Variants in RABGAP1L observed in about 807,000 individuals in gnomAD.
RABGAP1L encodes the protein RAB GTPase activating protein 1 like.
A neutral mutation model predicts 137.7 loss-of-function variants in RABGAP1L; 63 were observed. That is an observed-to-expected ratio of 0.46 (90% CI 0.37 to 0.56). RABGAP1L has a LOEUF of 0.56. Among genes scored for constraint, RABGAP1L ranks in the 20% least tolerant of loss-of-function variants. The pLI, the probability that RABGAP1L is intolerant of heterozygous loss-of-function variation, is 0.00. For missense variants in RABGAP1L, 1,095 were observed against 1,244.0 expected (o/e 0.88, Z 1.80); for synonymous variants, 431 against 433.7 (o/e 0.99, Z 0.08).
rs771902561 is a variant in RABGAP1L, at chr1:174,448,655, A to G, written c.1710+54510A>G. 6.2e-7 allele frequency: 1 copy of G among 1,613,662 alleles called. No homozygotes were observed. The highest frequency in any genetic ancestry group is 8.5e-7 in the Non-Finnish European group (1 of 1,179,710). ...CTTGCCTTCCTTTTTTGGCTGGGGG[A>G]AACCTGGTTACCATGGTGACATTTT... On this transcript the variant is annotated intron_variant, in intron 13 of 25. Coordinates refer to ENST00000681986, the MANE Select transcript of RABGAP1L (RefSeq NM_001366446.1). This position sits in a 1 kb window ranked among gnomAD's most constrained non-coding sequence, Gnocchi z 4.2.
At chr1:174,665,986 TG>T (rs1225745484) in intron 14 of RABGAP1L, among the ~76,000 whole-genome samples, 1 of 152,252 alleles carries the variant, frequency 6.6e-6, no homozygotes, top group Non-Finnish European at 1.5e-5. Context: ...TTTCTTTAAA[TG>T]TTTCTGTAAT....
At chr1:174,329,509 AC>A (rs1374780919) in intron 11 of RABGAP1L, among the ~76,000 whole-genome samples, 1 of 152,178 alleles carries the variant, frequency 6.6e-6, no homozygotes, top group East Asian at 1.9e-4. Context: ...TGATTTGAAA[AC>A]CAATCAAAGA....
chr1:174,918,144 T>A (rs536155454), intron 19 of RABGAP1L, among the ~76,000 whole-genome samples: 1 of 152,040 alleles, frequency 6.6e-6, no homozygotes, highest in Non-Finnish European at 1.5e-5. Context: ...GTAATTATGT[T>A]TTGGAAAAAT....
chr1:174,811,715 A>T, intron 18 of RABGAP1L, 117 bp from the exon 19 acceptor site: 1 of 1,035,134 alleles, frequency 9.7e-7, no homozygotes, highest in Non-Finnish European at 1.3e-6. Flanking sequence ...AATGTTTGGA[A>T]CTAACTTAGA....
intron 7 of RABGAP1L, among the ~76,000 whole-genome samples, chr1:174,253,971 T>C (rs1672913095): frequency 6.6e-6 from 1 of 152,164 alleles, no homozygotes; most frequent in East Asian, 1.9e-4. Context: ...AGATTCCCTC[T>C]GTCTTCCCTC....
intron 1 of RABGAP1L, among the ~76,000 whole-genome samples, chr1:174,197,317 G>A (rs922940589): frequency 6.6e-6 from 1 of 152,148 alleles, no homozygotes; most frequent in African/African-American, 2.4e-5. Context: ...AAATAGTTAG[G>A]TTTTAATGGC....
intron 14 of RABGAP1L, among the ~76,000 whole-genome samples, chr1:174,644,287 T>C (rs1674774285): frequency 6.6e-6 from 1 of 152,068 alleles, no homozygotes; most frequent in African/African-American, 2.4e-5. Context: ...TCTTAGTCCC[T>C]AAGAGCTTTC....
chr1:174,966,466 C>CT (rs1051328779), intron 20 of RABGAP1L, among the ~76,000 whole-genome samples: 3 of 151,242 alleles, frequency 2.0e-5, no homozygotes, highest in Non-Finnish European at 3.0e-5. Flanking sequence ...CTTCTCAAAT[C>CT]TTTTTTTTTA....
intron 12 of RABGAP1L, among the ~76,000 whole-genome samples, chr1:174,384,470 C>T (rs12091056): frequency 0.29 from 44,229 of 150,888 alleles, 7,232 homozygotes; most frequent in African/African-American, 0.43. Context: ...TGAGTTTTAA[C>T]TGCAGTAGGT....
chr1:174,978,731 C>A, intron 22 of RABGAP1L, 76 bp from the exon 23 acceptor site: 1 of 1,407,570 alleles, frequency 7.1e-7, no homozygotes, highest in Non-Finnish European at 9.3e-7. Context: ...ATGAATCAGA[C>A]AGACTTGAAT....
At chr1:174,302,489 T>C (rs1036537284) in intron 10 of RABGAP1L, among the ~76,000 whole-genome samples, 6 of 152,222 alleles carry the variant, frequency 3.9e-5, no homozygotes, top group African/African-American at 1.4e-4. Context: ...CATGAAATGG[T>C]ACTTCAGGTG....
intron 18 of RABGAP1L, among the ~76,000 whole-genome samples, chr1:174,806,737 T>A (rs1052145107): frequency 1.3e-5 from 2 of 152,238 alleles, no homozygotes; most frequent in Non-Finnish European, 2.9e-5. Flanking sequence ...CACTACTACT[T>A]GTATTTTAGA....
intron 1 of RABGAP1L, among the ~76,000 whole-genome samples, chr1:174,212,290 C>T (rs1272652364): frequency 6.6e-6 from 1 of 151,896 alleles, no homozygotes; most frequent in Admixed American, 6.6e-5. Context: ...CTGACGACAA[C>T]AGAATGAAAC....
chr1:174,551,011 T>TAC (rs1558334563), intron 13 of RABGAP1L, among the ~76,000 whole-genome samples: 25 of 123,342 alleles, frequency 2.0e-4, no homozygotes, highest in African/African-American at 7.8e-4. Context: ...TATATATATA[T>TAC]ATATATATAT....
intron 13 of RABGAP1L, among the ~76,000 whole-genome samples, chr1:174,396,975 C>CA (rs35904728): frequency 0.34 from 31,312 of 93,002 alleles, 3,650 homozygotes; most frequent in Admixed American, 0.4. Flanking sequence ...GCTGTCTCTA[C>CA]AAAAAAAAAA....
At chr1:174,445,115 A>G (rs1407856646) in intron 13 of RABGAP1L, among the ~76,000 whole-genome samples, 1 of 152,116 alleles carries the variant, frequency 6.6e-6, no homozygotes, top group African/African-American at 2.4e-5. Context: ...GCATATAGAA[A>G]ATACTCAACA....
chr1:174,673,614 A>G (rs1677349335), intron 14 of RABGAP1L, among the ~76,000 whole-genome samples: 1 of 152,196 alleles, frequency 6.6e-6, no homozygotes, highest in Non-Finnish European at 1.5e-5. Flanking sequence ...TTTAAAAAAT[A>G]AGGTCACAAT....
chr1:174,969,192 T>G, intron 20 of RABGAP1L, 85 bp from the exon 21 acceptor site: 1 of 1,030,858 alleles, frequency 9.7e-7, no homozygotes, highest in South Asian at 1.4e-5. Context: ...AAAGTTCACT[T>G]TGTTGCTTGT....
intron 1 of RABGAP1L, among the ~76,000 whole-genome samples, chr1:174,165,969 A>G (rs1217828789): frequency 2.6e-5 from 4 of 152,248 alleles, no homozygotes; most frequent in Non-Finnish European, 5.9e-5. Context: ...CGTTAGCACC[A>G]GATGGTTAAG....
Sources: gnomAD v4.1 joint callset for allele counts (sites outside exome capture counted in the v4.1 genomes callset) on GRCh38, gnomAD v4.1.1 for gene constraint, Gnocchi (gnomAD v3.1) non-coding constraint, MANE v1.5 for transcripts, NCBI Gene and HGNC (gene_info 2026-07-23, HGNC 2026-07-21) for gene names.